Variants in DUSP3 observed in about 807,000 individuals in gnomAD.
DUSP3 encodes dual specificity phosphatase 3, also known as dual specificity protein phosphatase 3.
In DUSP3, 7 loss-of-function variants were observed where a neutral mutation model predicts 15.5. That is an observed-to-expected ratio of 0.45 (90% CI 0.26 to 0.85). DUSP3 has a LOEUF of 0.85. DUSP3 is among the 40% of genes least tolerant of loss of function. The pLI, the probability that DUSP3 is intolerant of heterozygous loss-of-function variation, is 0.18. For missense variants in DUSP3, 209 were observed against 251.7 expected (o/e 0.83, Z 1.15); for synonymous variants, 86 against 104.2 (o/e 0.83, Z 1.07).
intron 2 of DUSP3, among the ~76,000 whole-genome samples, chr17:43,770,669 A>G (rs1241702063): frequency 1.3e-5 from 2 of 151,504 alleles, no homozygotes; most frequent in African/African-American, 4.8e-5. Flanking sequence ...CAAAAAAAAA[A>G]AGAAGCCCGC....
chr17:43,768,018 G>T lies in DUSP3; in HGVS notation c.*1591C>A, dbSNP rs1974262427. On this transcript the variant is annotated 3_prime_UTR_variant, in exon 3 of 3. Transcript: ENST00000226004. ...ACTGAGTTGTAAATAGTCAACAAAA[G>T]TCCCTGATATTTCTTTCGTTTTAGG... The T allele has an allele frequency of 6.6e-6, 1 of 152,172 alleles. No individual in the cohort carries two copies. 9.4% of individuals were successfully genotyped at this position (152,172 alleles called of 1,614,324 possible). A position where few individuals can be genotyped will look rare whatever the true frequency, so the allele number is the denominator to read the frequency against.
At chr17:43,773,596 C>T (rs1198475615) in intron 2 of DUSP3, among the ~76,000 whole-genome samples, 2 of 152,196 alleles carry the variant, frequency 1.3e-5, no homozygotes, top group African/African-American at 2.4e-5. Flanking sequence ...CCCCTTTTCT[C>T]CTTGCCAGGC....
chr17:43,777,780 AC>A (rs1248486904), intron 1 of DUSP3: 3 of 225,966 alleles, frequency 1.3e-5, no homozygotes, highest in African/African-American at 6.8e-5. Flanking sequence ...CAGAATGTTA[AC>A]ACTGGTTCTT....
At position 43,767,966 on chromosome 17, in the gene DUSP3, T is replaced by G. The variant is rs1004460505; in HGVS notation, c.*1643A>C. 3.3e-5 allele frequency: 5 copies of G among 152,186 alleles called. No homozygotes were observed. Among genetic ancestry groups the G allele is most frequent in the African/African-American group, 1.2e-4 (5 of 41,442 alleles). 9.4% of individuals were successfully genotyped at this position (152,186 alleles called of 1,614,324 possible). On this transcript the variant is annotated 3_prime_UTR_variant, in exon 3 of 3. Transcript: ENST00000226004. ...AAGGCACATTCCCTACCTTGGCATA[T>G]TAACACTGCCTGAATTTAAATGTAA...
In DUSP3 at chr17:43,766,214, G is replaced by GA. The variant is rs916672618; in HGVS notation, c.*3394dup. On this transcript the variant is annotated 3_prime_UTR_variant, in exon 3 of 3. Coordinates refer to ENST00000226004, the MANE Select transcript of DUSP3 (RefSeq NM_004090.4). Reference sequence around the variant, plus strand: ...CGGACATTAAACTTCCTTTTAAAAAGAAAAAAACAATTTGGTAGCTCTCCC... The same window carrying GA: ...CGGACATTAAACTTCCTTTTAAAAAGAAAAAAAACAATTTGGTAGCTCTCCC... 4.6e-5 allele frequency: 7 copies of GA among 152,372 alleles called. No individual in the cohort carries two copies. The highest frequency in any genetic ancestry group is 1.4e-4 in the African/African-American group (6 of 41,394). 9.4% of individuals were successfully genotyped at this position (152,372 alleles called of 1,614,324 possible). A position where few individuals can be genotyped will look rare whatever the true frequency, so the allele number is the denominator to read the frequency against.
In DUSP3 at chr17:43,769,254, T is replaced by C. The variant is rs1358902135; in HGVS notation, c.*355A>G. 1 of 259,740 alleles carries C rather than the reference T, an allele frequency of 3.9e-6. No homozygotes were observed. The highest frequency in any genetic ancestry group is 7.4e-6 in the Non-Finnish European group (1 of 135,346). The allele number at this position is 259,740 out of a possible 1,614,324, so 16.1% of individuals were successfully genotyped here. A position where few individuals can be genotyped will look rare whatever the true frequency, so the allele number is the denominator to read the frequency against. On this transcript the variant is annotated 3_prime_UTR_variant, in exon 3 of 3. Coordinates refer to ENST00000226004, the MANE Select transcript of DUSP3 (RefSeq NM_004090.4). The stretch of plus-strand genomic sequence containing the variant: ...TTCGGGAGTTGGGGAAGGGAGGTCA[T>C]GAGGGACCTCTGTGAGCATCTTAGG...
At position 43,766,734 on chromosome 17, in the gene DUSP3, T is replaced by G. The variant is rs1024097238; in HGVS notation, c.*2875A>C. ...AGGTCTTCTAGATGAGTCCCCTCAT[T>G]TGTAGGTGGTGGTTTCTGGATAACT... On this transcript the variant is annotated 3_prime_UTR_variant, in exon 3 of 3. Coordinates refer to ENST00000226004, the MANE Select transcript of DUSP3 (RefSeq NM_004090.4). 6.6e-6 allele frequency: 1 copy of G among 152,230 alleles called. No individual in the cohort carries two copies. The highest frequency in any genetic ancestry group is 1.5e-5 in the Non-Finnish European group (1 of 67,994). 9.4% of individuals were successfully genotyped at this position (152,230 alleles called of 1,614,324 possible). A position where few individuals can be genotyped will look rare whatever the true frequency, so the allele number is the denominator to read the frequency against.
chr17:43,774,816 A>G lies in DUSP3; in HGVS notation c.248T>C (p.Ile83Thr). ...TNANFYKDSG[I>T]TYLGIKANDT... The stretch of plus-strand genomic sequence containing the variant: ...GTTGGCCTTGATGCCCAGGTATGTG[A>G]TGCCGGAGTCCTTGTAGAAGTTGGC... Residue 83 changes from isoleucine (I) to threonine (T), a missense_variant, in exon 2 of 3, where the codon ATC (isoleucine) becomes ACC (threonine). Coordinates refer to ENST00000226004, the MANE Select transcript of DUSP3 (RefSeq NM_004090.4). 1 of 1,614,160 alleles carries G rather than the reference A, an allele frequency of 6.2e-7. No homozygotes were observed. The highest frequency in any genetic ancestry group is 8.5e-7 in the Non-Finnish European group (1 of 1,180,022).
At position 43,769,486 on chromosome 17, in the gene DUSP3, T is replaced by G; in HGVS notation, c.*123A>C. ...GCCCAGGACTGTGTTGGGACACACTTGTAGACAAGTGCCTTGTGATGCTGG... is the reference window on the plus strand; with the variant it reads ...GCCCAGGACTGTGTTGGGACACACTGGTAGACAAGTGCCTTGTGATGCTGG... On this transcript the variant is annotated 3_prime_UTR_variant, in exon 3 of 3. Transcript: ENST00000226004. 6.8e-6 allele frequency: 8 copies of G among 1,168,850 alleles called. No individual in the cohort carries two copies. Among genetic ancestry groups the G allele is most frequent in the Non-Finnish European group, 8.5e-6 (7 of 826,560 alleles). The allele number at this position is 1,168,850 out of a possible 1,614,324, so 72.4% of individuals were successfully genotyped here. A position where few individuals can be genotyped will look rare whatever the true frequency, so the allele number is the denominator to read the frequency against.
Position 43,769,295 on chromosome 17 carries a change from C to T in DUSP3, c.*314G>A, listed in dbSNP as rs1974280503. ...GCATCTTAGGCCTTACACTTCCACA[C>T]ACCTCCTGCCGTGGGCCATCGGGAA... On this transcript the variant is annotated 3_prime_UTR_variant, in exon 3 of 3. Transcript: ENST00000226004. The T allele has an allele frequency of 2.9e-6, 1 of 349,054 alleles. No homozygotes were observed. Among genetic ancestry groups the T allele is most frequent in the Non-Finnish European group, 5.3e-6 (1 of 189,454 alleles). The allele number at this position is 349,054 out of a possible 1,614,324, so 21.6% of individuals were successfully genotyped here.
In DUSP3 at chr17:43,776,827, T is replaced by C. The variant is rs531509522; in HGVS notation, c.126-1889A>G. Among the ~76,000 whole-genome samples, 8 of 152,268 alleles carry C rather than the reference T, an allele frequency of 5.3e-5. No homozygotes were observed. In the South Asian group the frequency reaches 8.3e-4, roughly 16 times the overall value. On this transcript the variant is annotated intron_variant, in intron 1 of 2. Transcript: ENST00000226004. ...TTGCTGCTTGGTGCAAGAGGAAGGG[T>C]GTCTCTAGAGCTTTCCAATTCCTGA... is the stretch of plus-strand genomic sequence containing the variant.
chr17:43,769,545 G>T lies in DUSP3; in HGVS notation c.*64C>A. The T allele has an allele frequency of 1.3e-6, 2 of 1,582,504 alleles. No individual in the cohort carries two copies. The highest frequency in any genetic ancestry group is 8.6e-7 in the Non-Finnish European group (1 of 1,159,078). On this transcript the variant is annotated 3_prime_UTR_variant, in exon 3 of 3. Transcript: ENST00000226004. ...TACAGTGTGTTTCCTAAACATGGCA[G>T]CTCGGGACACCTTTGCCCACGGCCT...
rs1185419905 is a variant in DUSP3 at position 43,766,616 on chromosome 17, C to T, written c.*2993G>A. 2 of 152,360 alleles carry T rather than the reference C, an allele frequency of 1.3e-5. No individual in the cohort carries two copies. The highest frequency in any genetic ancestry group is 2.9e-5 in the Non-Finnish European group (2 of 68,016). The allele number at this position is 152,360 out of a possible 1,614,324, so 9.4% of individuals were successfully genotyped here. ...GAAGGCAGCGCCACCTGCTGCCCAT[C>T]ATATTATGGCTCACATACCCATAAT... On this transcript the variant is annotated 3_prime_UTR_variant, in exon 3 of 3. Coordinates refer to ENST00000226004, the MANE Select transcript of DUSP3 (RefSeq NM_004090.4).
intron 2 of DUSP3, among the ~76,000 whole-genome samples, chr17:43,770,584 G>A (rs1422009371): frequency 6.6e-6 from 1 of 151,804 alleles, no homozygotes. Context: ...TTGAACCCAG[G>A]AGGCAGAGGT....
At position 43,769,612 on chromosome 17, in the gene DUSP3, G is replaced by C; in HGVS notation, c.555C>G (p.Pro185=). 2 of 1,611,340 alleles carry C rather than the reference G, an allele frequency of 1.2e-6. No individual in the cohort carries two copies. The change falls in exon 3 of 3, where the codon CCC becomes CCG. Residue 185 remains proline (P), a synonymous_variant. Transcript: ENST00000226004. ...GAGCAGAGGTGGTGGGGGTGCCCTAGGGTTTCAACTTCCCCTCCTTGGCTA... is the reference window on the plus strand; with the variant it reads ...GAGCAGAGGTGGTGGGGGTGCCCTACGGTTTCAACTTCCCCTCCTTGGCTA... ...DRLAKEGKLK[P]
chr17:43,773,117 T>G (rs1308685648), intron 2 of DUSP3, among the ~76,000 whole-genome samples: 1 of 152,208 alleles, frequency 6.6e-6, no homozygotes, highest in East Asian at 1.9e-4. Flanking sequence ...GAGGGGCCTG[T>G]CAGCAAAGTC....
chr17:43,777,726 A>G (rs1054340454), intron 1 of DUSP3: 34 of 329,596 alleles, frequency 1.0e-4, no homozygotes, highest in Middle Eastern at 4.4e-4. Flanking sequence ...AAGGCTGTAC[A>G]GGCATGCTAA....
At chr17:43,772,844 CAG>C (rs1056503397) in intron 2 of DUSP3, among the ~76,000 whole-genome samples, 1 of 152,010 alleles carries the variant, frequency 6.6e-6, no homozygotes, top group African/African-American at 2.4e-5. Flanking sequence ...TAGGGAGAGG[CAG>C]AGAGAACTTT....
At position 43,769,309 on chromosome 17, in the gene DUSP3, G is replaced by C; in HGVS notation, c.*300C>G. On this transcript the variant is annotated 3_prime_UTR_variant, in exon 3 of 3. Coordinates refer to ENST00000226004, the MANE Select transcript of DUSP3 (RefSeq NM_004090.4). ...ACACTTCCACACACCTCCTGCCGTGGGCCATCGGGAAGCATGCAGGCCACA... is the reference window on the plus strand; with the variant it reads ...ACACTTCCACACACCTCCTGCCGTGCGCCATCGGGAAGCATGCAGGCCACA... The C allele has an allele frequency of 2.6e-6, 1 of 380,360 alleles. No homozygotes were observed. Among genetic ancestry groups the C allele is most frequent in the Non-Finnish European group, 4.8e-6 (1 of 208,724 alleles). The allele number at this position is 380,360 out of a possible 1,614,324, so 23.6% of individuals were successfully genotyped here.
Sources: allele counts gnomAD v4.1 joint callset (sites outside exome capture counted in the v4.1 genomes callset), GRCh38; gene constraint gnomAD v4.1.1; transcripts MANE v1.5; gene names NCBI Gene and HGNC (gene_info 2026-07-23, HGNC 2026-07-21).